The following VAV3 variants were observed in gnomAD, a reference collection of about 807,000 sequenced individuals.
VAV3 encodes vav guanine nucleotide exchange factor 3, also known as guanine nucleotide exchange factor VAV3.
A neutral mutation model predicts 131.2 loss-of-function variants in VAV3; 94 were observed. The ratio of observed to expected loss-of-function variants is 0.72; its 90% CI spans 0.61 to 0.85. The LOEUF (loss-of-function observed/expected upper bound fraction) is 0.85, where lower values mean the gene tolerates loss of function less well. Among genes scored for constraint, VAV3 ranks in the 40% least tolerant of loss-of-function variants. The probability of loss-of-function intolerance (pLI) is 0.00; values close to 1 mark genes in which losing one functional copy is unlikely to be tolerated. For missense variants in VAV3, 939 were observed against 1,002.7 expected, an observed-to-expected ratio of 0.94 and a Z score of 0.86; for synonymous variants, 349 against 342.0, an observed-to-expected ratio of 1.02 and a Z score of -0.22.
intron 19 of VAV3, chr1:107,669,524 T>A: frequency 7.9e-7 from 1 of 1,270,022 alleles, no homozygotes; most frequent in Non-Finnish European, 1.0e-6. Flanking sequence ...CCTGAAAATT[T>A]CACCATGGAT....
chr1:107,762,258 T>C (rs1237433742), intron 9 of VAV3, among the ~76,000 whole-genome samples: 1 of 152,188 alleles, frequency 6.6e-6, no homozygotes, highest in Non-Finnish European at 1.5e-5. Context: ...AATACACTGT[T>C]GCTCACAAGT....
chr1:107,707,766 G>A (rs1169118119), intron 15 of VAV3, among the ~76,000 whole-genome samples: 3 of 152,206 alleles, frequency 2.0e-5, no homozygotes, highest in Non-Finnish European at 2.9e-5. Context: ...TACAAACTGA[G>A]GAGATCATAC....
chr1:107,900,289 T>C (rs149386337), intron 1 of VAV3, among the ~76,000 whole-genome samples: 1 of 152,336 alleles, frequency 6.6e-6, no homozygotes, highest in Non-Finnish European at 1.5e-5. Context: ...TAGTATACTT[T>C]GTAGCCACAC....
At chr1:107,632,933 T>C (rs1570650473) in intron 20 of VAV3, among the ~76,000 whole-genome samples, 1 of 152,334 alleles carries the variant, frequency 6.6e-6, no homozygotes, top group East Asian at 1.9e-4. Flanking sequence ...ATTCTAATAC[T>C]ATACCAGAAA....
chr1:107,957,385 T>A (rs1674868874), intron 1 of VAV3, among the ~76,000 whole-genome samples: 1 of 152,150 alleles, frequency 6.6e-6, no homozygotes. Flanking sequence ...TCCCATCCAA[T>A]CCACCCCTCT....
chr1:107,824,266 C>T (rs560642762), intron 2 of VAV3, among the ~76,000 whole-genome samples: 2 of 152,062 alleles, frequency 1.3e-5, no homozygotes, highest in African/African-American at 4.8e-5. Flanking sequence ...ATGCACATAG[C>T]GTCGCTATTT....
At chr1:107,755,257 C>T (rs1333754883) in intron 12 of VAV3, among the ~76,000 whole-genome samples, 170 bp downstream of exon 12, 1 of 152,132 alleles carries the variant, frequency 6.6e-6, no homozygotes, top group Non-Finnish European at 1.5e-5. Context: ...TAGACACAAG[C>T]AGGTTGCAGG....
chr1:107,634,564 A>C (rs1475494071), intron 20 of VAV3, among the ~76,000 whole-genome samples: 1 of 151,190 alleles, frequency 6.6e-6, no homozygotes, highest in Non-Finnish European at 1.5e-5. Context: ...AGGTATGGGC[A>C]AGGACTTCAT....
chr1:107,895,720 A>G (rs1671534019), intron 1 of VAV3, among the ~76,000 whole-genome samples: 3 of 152,224 alleles, frequency 2.0e-5, no homozygotes. Flanking sequence ...ACAATAAATA[A>G]TAGAGTAGCA....
chr1:107,835,727 G>A (rs570346999), intron 2 of VAV3, among the ~76,000 whole-genome samples: 19 of 152,260 alleles, frequency 1.2e-4, no homozygotes, highest in African/African-American at 3.9e-4. Context: ...AAAAAACCCC[G>A]GCCCATAGGC....
chr1:107,700,994 T>G (rs771110534), intron 17 of VAV3, among the ~76,000 whole-genome samples: 3 of 152,234 alleles, frequency 2.0e-5, no homozygotes, highest in Non-Finnish European at 2.9e-5. Context: ...ATTGCCATTC[T>G]GAATAGCGTG....
At chr1:107,716,726 T>C (rs1423528383) in intron 15 of VAV3, among the ~76,000 whole-genome samples, 1 of 152,190 alleles carries the variant, frequency 6.6e-6, no homozygotes, top group East Asian at 1.9e-4. Flanking sequence ...CTGCCAGGCT[T>C]TGGTATCAGG....
chr1:107,576,279 A>C, intron 25 of VAV3: 1 of 843,458 alleles, frequency 1.2e-6, no homozygotes, highest in Non-Finnish European at 1.7e-6. Context: ...ATGGAACTCG[A>C]GGGATTGTCT....
chr1:107,945,121 T>C (rs72985422), intron 1 of VAV3, among the ~76,000 whole-genome samples: 4,749 of 152,266 alleles, frequency 0.031, 243 homozygotes, highest in African/African-American at 0.11. Context: ...GTTTAGGTAA[T>C]GTTATTATAG....
intron 2 of VAV3, among the ~76,000 whole-genome samples, chr1:107,866,672 A>T (rs1669998340): frequency 6.6e-6 from 1 of 151,588 alleles, no homozygotes; most frequent in Non-Finnish European, 1.5e-5. Flanking sequence ...AAATACAAAA[A>T]ATTACCCAGG....
intron 21 of VAV3, among the ~76,000 whole-genome samples, chr1:107,612,763 T>G (rs376789192): frequency 6.6e-6 from 1 of 152,150 alleles, no homozygotes; most frequent in African/African-American, 2.4e-5. Context: ...TGAGGTTTCC[T>G]CTCTCTGACT....
At chr1:107,949,013 A>C (rs1344435508) in intron 1 of VAV3, among the ~76,000 whole-genome samples, 1 of 152,200 alleles carries the variant, frequency 6.6e-6, no homozygotes, top group Non-Finnish European at 1.5e-5. Flanking sequence ...TCCCATTTTA[A>C]CTTACAACCT....
chr1:107,704,713 C>G, intron 16 of VAV3, 63 bp from the exon 17 acceptor site: 2 of 1,361,206 alleles, frequency 1.5e-6, no homozygotes, highest in East Asian at 2.3e-5. Flanking sequence ...TATGAAATTA[C>G]TGCAAGAAGA....
chr1:107,722,534 A>G (rs1206915653), intron 15 of VAV3, among the ~76,000 whole-genome samples: 1 of 152,236 alleles, frequency 6.6e-6, no homozygotes, highest in Non-Finnish European at 1.5e-5. Flanking sequence ...TATTTTCAAG[A>G]CATTCCAACA....
Sources: gnomAD v4.1 joint callset for allele counts (sites outside exome capture counted in the v4.1 genomes callset) on GRCh38, gnomAD v4.1.1 for gene constraint, MANE v1.5 for transcripts, NCBI Gene and HGNC (gene_info 2026-07-23, HGNC 2026-07-21) for gene names.